HTT: variants seen among roughly 807,000 people sequenced by gnomAD.
HTT encodes huntington disease protein.
In HTT, 104 loss-of-function variants were observed where a neutral mutation model predicts 362.3. The observed-to-expected ratio is 0.29, with a 90% CI of 0.24 to 0.34. The LOEUF is 0.34. Ranked by LOEUF, HTT falls within the 10% of genes least tolerant of loss-of-function variation. The pLI is 1.00. For synonymous variants in HTT, 1,577 were observed against 1,548.7 expected, an observed-to-expected ratio of 1.02 and a Z score of -0.43; for missense variants, 3,301 against 3,928.6, an observed-to-expected ratio of 0.84 and a Z score of 4.27.
chr4:3,175,174 A>G, intron 33 of HTT, 67 bp downstream of exon 33: 1 of 1,374,780 alleles, frequency 7.3e-7, no homozygotes, highest in Non-Finnish European at 1.0e-6. Flanking sequence ...CCTAAAAGAC[A>G]CTGAAATCTA....
intron 7 of HTT, 87 bp downstream of exon 7, chr4:3,115,532 C>A: frequency 9.1e-7 from 1 of 1,100,202 alleles, no homozygotes; most frequent in Admixed American, 2.1e-5. Flanking sequence ...GATCCCTCAG[C>A]TTCTAGACCA....
At chr4:3,158,884 C>A (rs577554375) in intron 28 of HTT, among the ~76,000 whole-genome samples, 12 of 152,276 alleles carry the variant, frequency 7.9e-5, no homozygotes, top group African/African-American at 2.4e-4. Flanking sequence ...GGCACCTTTC[C>A]ATGCTCCTAG....
chr4:3,211,309 T>C (rs898174143), intron 47 of HTT, among the ~76,000 whole-genome samples: 7 of 152,242 alleles, frequency 4.6e-5, no homozygotes, highest in Non-Finnish European at 7.3e-5. Context: ...AATTGGGCTT[T>C]GAACAGCTGT....
At chr4:3,225,857 C>A in intron 57 of HTT, 114 bp downstream of exon 57, 1 of 679,646 alleles carries the variant, frequency 1.5e-6, no homozygotes, top group Non-Finnish European at 2.5e-6. Context: ...GGAAGTTTTC[C>A]TTTTTTTTAA....
In HTT at chr4:3,151,818, T is replaced by G. The variant is rs529475078; in HGVS notation, c.3499-2475T>G. On this transcript the variant is annotated intron_variant, in intron 26 of 66. Transcript: ENST00000355072. ...CACCTGTACATGGACACATAATACA[T>G]GTACATATGCATACTTTATATTCTC... Among the ~76,000 whole-genome samples, 4 of 152,346 alleles carry G rather than the reference T, an allele frequency of 2.6e-5. No individual in the cohort carries two copies. In the South Asian group the frequency reaches 6.2e-4, roughly 24 times the overall value.
In HTT at chr4:3,125,549, G is replaced by C; in HGVS notation, c.1322G>C (p.Gly441Ala). Reference sequence around the variant, plus strand: ...GGAATGTTGGTACATTATTTACTAGGCAAAGTGCTCTTAGGAGAAGAAGAA... The same window carrying C: ...GGAATGTTGGTACATTATTTACTAGCCAAAGTGCTCTTAGGAGAAGAAGAA... ...CSPVLSRKQK[G>A]KVLLGEEEAL... Residue 441 changes from glycine to alanine, a missense_variant and splice_region_variant, in exon 11 of 67, where the codon GGC (glycine) becomes GCC (alanine). Physicochemically the swap from Gly to Ala is moderately conservative, Grantham distance 60. Transcript: ENST00000355072. 1 of 1,609,924 alleles carries C rather than the reference G, an allele frequency of 6.2e-7. No homozygotes were observed. Among genetic ancestry groups the C allele is most frequent in the South Asian group, 1.1e-5 (1 of 90,972 alleles).
intron 3 of HTT, among the ~76,000 whole-genome samples, chr4:3,100,715 A>T (rs903181073): frequency 6.6e-6 from 1 of 151,862 alleles, no homozygotes; most frequent in Admixed American, 6.6e-5. Context: ...TTTTATTCTC[A>T]CTGGCAGGAC....
chr4:3,114,989 A>ATT (rs202217324), intron 6 of HTT, among the ~76,000 whole-genome samples: 3 of 151,398 alleles, frequency 2.0e-5, no homozygotes, highest in African/African-American at 7.3e-5. Context: ...TCATTTGTTG[A>ATT]TTTTTTTTTA....
chr4:3,132,035 T>C (rs1262011001), intron 16 of HTT, among the ~76,000 whole-genome samples: 3 of 152,178 alleles, frequency 2.0e-5, no homozygotes, highest in Non-Finnish European at 4.4e-5. Context: ...GATTTAAACC[T>C]AAAGCACAAA....
intron 42 of HTT, among the ~76,000 whole-genome samples, chr4:3,205,917 AT>A (rs1719834513): frequency 6.6e-6 from 1 of 151,780 alleles, no homozygotes; most frequent in African/African-American, 2.4e-5. Context: ...AAAAATATAT[AT>A]TTTTATTTTC....
chr4:3,193,135 G>A (rs187265375), intron 40 of HTT, among the ~76,000 whole-genome samples: 5 of 152,356 alleles, frequency 3.3e-5, no homozygotes, highest in Admixed American at 2.0e-4. Flanking sequence ...GGTAGGGCCC[G>A]GCCGCACGGC....
Position 3,173,116 on chromosome 4 carries a change from A to G in HTT, c.4151A>G (p.Glu1384Gly). Residue 1384 changes from glutamate (E) to glycine (G), a missense_variant, in exon 31 of 67, where the codon GAG (glutamate) becomes GGG (glycine). Physicochemically the swap from Glu to Gly is moderately conservative, Grantham distance 98 (BLOSUM62 -2). Coordinates refer to ENST00000355072, the MANE Select transcript of HTT (RefSeq NM_001388492.1). ...SLRNMVQAEQ[E>G]NDTSGWFDVL... ...AGGAACATGGTGCAGGCGGAGCAGGAGAACGACACCTCGGGGTAACAGTTG... is the reference window on the plus strand; with the variant it reads ...AGGAACATGGTGCAGGCGGAGCAGGGGAACGACACCTCGGGGTAACAGTTG... The G allele has an allele frequency of 6.2e-7, 1 of 1,613,970 alleles. No homozygotes were observed. The highest frequency in any genetic ancestry group is 1.1e-5 in the South Asian group (1 of 91,084).
rs139507275 is a variant in HTT, at chr4:3,242,949, C to T, written c.*2890C>T. The T allele has an allele frequency of 2.0e-5, 3 of 152,356 alleles. No individual in the cohort carries two copies. The East Asian group carries it at 5.8e-4, about 29-fold the overall frequency. The allele number at this position is 152,356 out of a possible 1,614,324, so 9.4% of individuals were successfully genotyped here. On this transcript the variant is annotated 3_prime_UTR_variant, in exon 67 of 67. Coordinates refer to ENST00000355072, the MANE Select transcript of HTT (RefSeq NM_001388492.1). ...CTGTCCACCCTCATTTCTGCCAGCG[C>T]ATGTGTCCTTTCAAGGGGAAAATGT...
At chr4:3,226,494 C>G (rs143777528) in intron 57 of HTT, among the ~76,000 whole-genome samples, 1 of 152,168 alleles carries the variant, frequency 6.6e-6, no homozygotes, top group African/African-American at 2.4e-5. Flanking sequence ...TAAACAGAAA[C>G]GTAGGGCCAT....
intron 40 of HTT, among the ~76,000 whole-genome samples, chr4:3,189,866 A>T (rs1302844253): frequency 2.4e-4 from 36 of 152,258 alleles, no homozygotes; most frequent in African/African-American, 7.9e-4. Context: ...CTGTACAAAC[A>T]AACTAGCCGG....
intron 7 of HTT, among the ~76,000 whole-genome samples, chr4:3,115,810 T>A (rs1659621791): frequency 6.6e-6 from 1 of 152,128 alleles, no homozygotes; most frequent in African/African-American, 2.4e-5. Flanking sequence ...TGGGTAACTG[T>A]GGAAACGAAC....
intron 29 of HTT, among the ~76,000 whole-genome samples, chr4:3,163,757 C>T (rs955730035): frequency 1.6e-4 from 24 of 152,058 alleles, no homozygotes; most frequent in African/African-American, 3.1e-4. Context: ...TCTGTGGGAT[C>T]GGTGGTGATA....
chr4:3,116,457 C>T (rs776079997), intron 8 of HTT, among the ~76,000 whole-genome samples, 194 bp downstream of exon 8: 13 of 152,134 alleles, frequency 8.5e-5, no homozygotes, highest in East Asian at 1.9e-4. Context: ...GAGTCAAATG[C>T]GGGTGATGCC....
intron 1 of HTT, among the ~76,000 whole-genome samples, chr4:3,084,355 G>A (rs915304678): frequency 1.3e-5 from 2 of 151,860 alleles, no homozygotes; most frequent in African/African-American, 4.8e-5. Flanking sequence ...CAAACCAGAG[G>A]TAATGTTCAT....
Sources: allele counts gnomAD v4.1 joint callset (sites outside exome capture counted in the v4.1 genomes callset), GRCh38; gene constraint gnomAD v4.1.1; transcripts MANE v1.5; gene names NCBI Gene and HGNC (gene_info 2026-07-23, HGNC 2026-07-21).